Variants in SERINC3 observed in about 807,000 individuals in gnomAD.
SERINC3 encodes the protein tumor differentially expressed protein 1.
A neutral mutation model predicts 52.1 loss-of-function variants in SERINC3; 22 were observed. The observed-to-expected ratio is 0.42, with a 90% CI of 0.30 to 0.60. The LOEUF is 0.60. Ranked by LOEUF, SERINC3 falls within the 20% of genes least tolerant of loss-of-function variation. The pLI is 0.16. For synonymous variants in SERINC3, 226 were observed against 212.7 expected (o/e 1.06, Z -0.54); for missense variants, 564 against 584.6 (o/e 0.96, Z 0.36).
chr20:44,519,302 T>G, intron 1 of SERINC3: 1 of 263,980 alleles, frequency 3.8e-6, no homozygotes, highest in Non-Finnish European at 5.9e-6. Context: ...CAAGACGCGG[T>G]GGCTCACACC....
rs570465019 is a variant in SERINC3 at position 44,518,454 on chromosome 20, A to AAGC, written c.39+3456_39+3458dup. ...CTGGGAGCTTCTCTTATCTGACTAAAAGCAGCAACTTCTGGGAAACGAGGC... is the reference window on the plus strand; with the variant it reads ...CTGGGAGCTTCTCTTATCTGACTAAAAGCAGCAGCAACTTCTGGGAAACGAGGC... On this transcript the variant is annotated intron_variant, in intron 1 of 9. Coordinates refer to ENST00000342374, the MANE Select transcript of SERINC3 (RefSeq NM_006811.4). Among the ~76,000 whole-genome samples the AAGC allele has an allele frequency of 1.6e-3, 243 of 152,194 alleles. 1 individual carries two copies. The highest frequency in any genetic ancestry group is 2.8e-3 in the Non-Finnish European group (193 of 68,004).
chr20:44,496,255 A>G (rs1349710507), downstream of SERINC3: 1 of 152,216 alleles, frequency 6.6e-6, no homozygotes, highest in Non-Finnish European at 1.5e-5. Flanking sequence ...TGGTACACCT[A>G]CCCATCTATG....
chr20:44,500,099 C>T lies in SERINC3; in HGVS notation c.*197G>A, dbSNP rs1398277907. 2 of 584,734 alleles carry T rather than the reference C, an allele frequency of 3.4e-6. No individual in the cohort carries two copies. The highest frequency in any genetic ancestry group is 5.8e-6 in the Non-Finnish European group (2 of 345,020). 36.2% of individuals were successfully genotyped at this position (584,734 alleles called of 1,614,324 possible). On this transcript the variant is annotated 3_prime_UTR_variant, in exon 10 of 10. Transcript: ENST00000342374. Reference sequence around the variant, plus strand: ...TTTGTGCTATATCCTTAGAAGTAAACATAATATACAGATAAATGAGAAGTT... The same window carrying T: ...TTTGTGCTATATCCTTAGAAGTAAATATAATATACAGATAAATGAGAAGTT...
At position 44,506,311 on chromosome 20, in the gene SERINC3, C is replaced by T. The variant is rs1358001133; in HGVS notation, c.783+516G>A. On this transcript the variant is annotated intron_variant, in intron 6 of 9. Transcript: ENST00000342374. ...AAAAAAAAAAAAAAAGACTCATTCC[C>T]GGCCAGGCGTGGTGGCTCACGCCTG... 2.7e-5 allele frequency among the ~76,000 whole-genome samples: 4 copies of T among 149,420 alleles called. No individual in the cohort carries two copies. In the East Asian group the frequency reaches 5.9e-4, roughly 22 times the overall value.
At chr20:44,507,879 CA>C (rs1418812052) in intron 5 of SERINC3, among the ~76,000 whole-genome samples, 2 of 152,068 alleles carry the variant, frequency 1.3e-5, no homozygotes, top group East Asian at 3.9e-4. Flanking sequence ...AAACAACAAA[CA>C]AAACAATTAG....
At chr20:44,519,932 A>C (rs1434156494) in intron 1 of SERINC3, among the ~76,000 whole-genome samples, 1 of 152,210 alleles carries the variant, frequency 6.6e-6, no homozygotes, top group Non-Finnish European at 1.5e-5. Context: ...TTGTATGCTA[A>C]TGAGATGACT....
intron 1 of SERINC3, among the ~76,000 whole-genome samples, chr20:44,521,588 C>A (rs1446254357): frequency 6.6e-6 from 1 of 152,198 alleles, no homozygotes; most frequent in Non-Finnish European, 1.5e-5. Context: ...CGGGAGGAAC[C>A]GGAGCCCCTC....
At chr20:44,510,718 A>G (rs2064341721) in intron 4 of SERINC3, among the ~76,000 whole-genome samples, 1 of 152,018 alleles carries the variant, frequency 6.6e-6, no homozygotes, top group Non-Finnish European at 1.5e-5. Context: ...AGACTGACGC[A>G]GAGAACTGCT....
rs745561886 is a variant in SERINC3, at chr20:44,521,896, C to T, written c.39+17G>A. On this transcript the variant is annotated intron_variant, in intron 1 of 9. Transcript: ENST00000342374. The stretch of plus-strand genomic sequence containing the variant: ...GCAAACCGCAGGTCCGGCGAGGACT[C>T]GGGACCCCGAACTCACCCAGCTGGC... 4 of 1,605,080 alleles carry T rather than the reference C, an allele frequency of 2.5e-6. No individual in the cohort carries two copies. The highest frequency in any genetic ancestry group is 1.7e-5 in the Admixed American group (1 of 58,818).
chr20:44,512,007 T>A (rs2064350524), intron 3 of SERINC3, among the ~76,000 whole-genome samples: 1 of 152,158 alleles, frequency 6.6e-6, no homozygotes, highest in Admixed American at 6.6e-5. Flanking sequence ...AAAACGCCAT[T>A]CAGTCTTTGA....
chr20:44,509,638 C>CCTGCCTTAGCGTG (rs1365417224), intron 5 of SERINC3, among the ~76,000 whole-genome samples: 1 of 152,104 alleles, frequency 6.6e-6, no homozygotes, highest in Non-Finnish European at 1.5e-5. Flanking sequence ...CAGAGATTCT[C>CCTGCCTTAGCGTG]CTGCCTTAGC....
intron 1 of SERINC3, chr20:44,519,453 A>G: frequency 1.1e-6 from 1 of 899,080 alleles, no homozygotes; most frequent in Non-Finnish European, 1.3e-6. Flanking sequence ...TGTACAGTAA[A>G]CGATTATTTC....
Position 44,498,607 on chromosome 20 carries a change from T to C in SERINC3, c.*1689A>G, listed in dbSNP as rs1431622104. ...AAAAATTAAAATTGAAAAAAAAAAA[T>C]TCTAATTGCTAAGTAGCCCTCACCT... On this transcript the variant is annotated 3_prime_UTR_variant, in exon 10 of 10. Coordinates refer to ENST00000342374, the MANE Select transcript of SERINC3 (RefSeq NM_006811.4). 6.6e-6 allele frequency: 1 copy of C among 151,628 alleles called. No homozygotes were observed. Among genetic ancestry groups the C allele is most frequent in the Non-Finnish European group, 1.5e-5 (1 of 67,922 alleles). 9.4% of individuals were successfully genotyped at this position (151,628 alleles called of 1,614,324 possible). A position where few individuals can be genotyped will look rare whatever the true frequency, so the allele number is the denominator to read the frequency against.
At chr20:44,496,221 T>C (rs1469633899), downstream of SERINC3, 3 of 152,376 alleles carry the variant, frequency 2.0e-5, no homozygotes, top group African/African-American at 4.8e-5. Flanking sequence ...CTTACAGGCA[T>C]GTGGATACTG....
chr20:44,502,398 G>C (rs1164903335), intron 8 of SERINC3, among the ~76,000 whole-genome samples: 1 of 151,992 alleles, frequency 6.6e-6, no homozygotes. Context: ...ACTGGCCAGT[G>C]CAACACAGCA....
At position 44,500,156 on chromosome 20, in the gene SERINC3, C is replaced by G. The variant is rs1192443321; in HGVS notation, c.*140G>C. On this transcript the variant is annotated 3_prime_UTR_variant, in exon 10 of 10. Coordinates refer to ENST00000342374, the MANE Select transcript of SERINC3 (RefSeq NM_006811.4). ...CTGCATCAAGCATTATTCAATCTCA[C>G]CTTCTGATATAAACCTGCATACAGT... The G allele has an allele frequency of 7.1e-6, 6 of 847,366 alleles. No individual in the cohort carries two copies. The highest frequency in any genetic ancestry group is 1.1e-5 in the Non-Finnish European group (6 of 556,150). 52.5% of individuals were successfully genotyped at this position (847,366 alleles called of 1,614,324 possible).
chr20:44,513,029 CTACATT>C, intron 2 of SERINC3, 35 bp from the exon 3 acceptor site: 2 of 1,414,106 alleles, frequency 1.4e-6, no homozygotes, highest in Non-Finnish European at 1.9e-6. Flanking sequence ...ACGAGAATAT[CTACATT>C]TAGACAGAGA....
At chr20:44,510,489 T>G (rs2064340369) in intron 4 of SERINC3, among the ~76,000 whole-genome samples, 1 of 152,134 alleles carries the variant, frequency 6.6e-6, no homozygotes, top group Admixed American at 6.6e-5. Flanking sequence ...AGAGGTGCAG[T>G]GAATGCCTCC....
Position 44,521,999 on chromosome 20 carries a change from A to G in SERINC3, c.-48T>C. 1 of 1,565,856 alleles carries G rather than the reference A, an allele frequency of 6.4e-7. No individual in the cohort carries two copies. Among genetic ancestry groups the G allele is most frequent in the Non-Finnish European group, 8.7e-7 (1 of 1,151,812 alleles). On this transcript the variant is annotated 5_prime_UTR_variant, in exon 1 of 10. Transcript: ENST00000342374. The stretch of plus-strand genomic sequence containing the variant: ...GCCGGTCCTGAGGCTGCTTTCTAAC[A>G]CGGTGGTAACTGCCAGCTGAGGTGA...
Sources: gnomAD v4.1 joint callset for allele counts (sites outside exome capture counted in the v4.1 genomes callset) on GRCh38, gnomAD v4.1.1 for gene constraint, MANE v1.5 for transcripts, NCBI Gene and HGNC (gene_info 2026-07-23, HGNC 2026-07-21) for gene names.